Variants in ZZZ3 observed in about 807,000 individuals in gnomAD.
ZZZ3 encodes the protein zinc finger ZZ-type containing 3, also known as ZZ-type zinc finger-containing protein 3.
Under a neutral mutation model 95.2 loss-of-function variants are expected in ZZZ3, and 22 were observed. That is an observed-to-expected ratio of 0.23 (90% CI 0.17 to 0.33). ZZZ3 has a LOEUF of 0.33. Among genes scored for constraint, ZZZ3 ranks in the 10% least tolerant of loss-of-function variants. ZZZ3 has a pLI of 1.00. For missense variants in ZZZ3, 885 were observed against 1,066.5 expected (o/e 0.83, Z 2.37); for synonymous variants, 335 against 358.9 (o/e 0.93, Z 0.75).
rs755388608 is a variant in ZZZ3, at chr1:77,581,086, G to T, written c.1909-17C>A. On this transcript the variant is annotated splice_polypyrimidine_tract_variant and intron_variant, in intron 8 of 14. Transcript: ENST00000370801. ...TCTTATCATCTGCACATAAGACAAG[G>T]CTTTTGTCAGAGAGAAAATAACAAC... is the stretch of plus-strand genomic sequence containing the variant. 1.9e-6 allele frequency: 3 copies of T among 1,608,192 alleles called. No individual in the cohort carries two copies. Among genetic ancestry groups the T allele is most frequent in the African/African-American group, 2.7e-5 (2 of 74,872 alleles).
intron 1 of ZZZ3, among the ~76,000 whole-genome samples, chr1:77,647,379 C>A (rs986933795): frequency 6.6e-6 from 1 of 152,056 alleles, no homozygotes; most frequent in African/African-American, 2.4e-5. Flanking sequence ...ATTAGCAGGG[C>A]ATGGTGGTGC....
chr1:77,653,579 T>C (rs1024282293), intron 1 of ZZZ3, among the ~76,000 whole-genome samples: 5 of 151,400 alleles, frequency 3.3e-5, no homozygotes, highest in Admixed American at 3.3e-4. Context: ...CATGGAGAAA[T>C]CCTGTATCTA....
chr1:77,674,769 TG>T (rs1672105137), intron 1 of ZZZ3, among the ~76,000 whole-genome samples: 1 of 151,860 alleles, frequency 6.6e-6, no homozygotes. Context: ...CTCCCCAACA[TG>T]GCAAAACCCC....
intron 12 of ZZZ3, among the ~76,000 whole-genome samples, chr1:77,571,365 T>C (rs1382395505): frequency 1.3e-5 from 2 of 152,152 alleles, no homozygotes; most frequent in African/African-American, 4.8e-5. Flanking sequence ...AGAATGTAAA[T>C]GGTACAGCTC....
At chr1:77,670,048 C>T (rs1172445826) in intron 1 of ZZZ3, among the ~76,000 whole-genome samples, 1 of 147,438 alleles carries the variant, frequency 6.8e-6, no homozygotes. Flanking sequence ...CCCCAAAAAA[C>T]CTATTAATAT....
intron 5 of ZZZ3, among the ~76,000 whole-genome samples, chr1:77,594,589 CTAGACTATATT>C (rs1213150130): frequency 1.3e-5 from 2 of 151,958 alleles, no homozygotes; most frequent in African/African-American, 4.8e-5. Context: ...AGATATAGTT[CTAGACTATATT>C]TAGAGCACTG....
intron 5 of ZZZ3, among the ~76,000 whole-genome samples, chr1:77,626,596 G>A (rs774459852): frequency 1.8e-4 from 28 of 152,144 alleles, no homozygotes; most frequent in Non-Finnish European, 3.7e-4. Flanking sequence ...TTCACCTCCT[G>A]GTGTGCAGCC....
At chr1:77,639,655 C>T (rs1668592800) in intron 3 of ZZZ3, 53 bp from the exon 4 acceptor site, 1 of 403,600 alleles carries the variant, frequency 2.5e-6, no homozygotes, top group Non-Finnish European at 4.3e-6. Context: ...TGAACTTATG[C>T]TAATAGATTT....
At chr1:77,653,292 G>A (rs1329290375) in intron 1 of ZZZ3, among the ~76,000 whole-genome samples, 1 of 152,222 alleles carries the variant, frequency 6.6e-6, no homozygotes, top group Non-Finnish European at 1.5e-5. Context: ...GGAAATGGTA[G>A]AAAGTGAGTG....
chr1:77,576,204 C>T lies in ZZZ3; in HGVS notation c.2195G>A (p.Arg732Gln). 6.3e-7 allele frequency: 1 copy of T among 1,599,178 alleles called. No individual in the cohort carries two copies. The highest frequency in any genetic ancestry group is 8.5e-7 in the Non-Finnish European group (1 of 1,175,924). ...IYSKKSSTSR[R>Q]QHPLNKHLFK... ...GAGATGCTTATTAAGAGGGTGCTGT[C>T]GTCTGCTTGTTGAAGACTAAGTAAG... Residue 732 changes from arginine to glutamine, a missense_variant, in exon 12 of 15, where the codon CGA becomes CAA. By Grantham distance (43) the Arg-to-Gln change is conservative (BLOSUM62 1). Transcript: ENST00000370801.
chr1:77,587,485 C>T (rs1663213423), intron 5 of ZZZ3, among the ~76,000 whole-genome samples: 2 of 151,966 alleles, frequency 1.3e-5, no homozygotes, highest in South Asian at 4.1e-4. Context: ...AGGATGTTCT[C>T]GATCTCATGA....
intron 8 of ZZZ3, 92 bp downstream of exon 8, chr1:77,581,684 C>T (rs1662545373): frequency 1.0e-6 from 1 of 999,190 alleles, no homozygotes; most frequent in Non-Finnish European, 1.5e-6. Context: ...CAGTGAAAGA[C>T]TGCTTTAATT....
intron 5 of ZZZ3, among the ~76,000 whole-genome samples, chr1:77,589,227 A>G (rs907895937): frequency 1.3e-5 from 2 of 152,138 alleles, no homozygotes; most frequent in African/African-American, 4.8e-5. Flanking sequence ...TTAGCTTTAT[A>G]TATTTGGCCA....
rs1177338502 is a variant in ZZZ3, at chr1:77,632,852, A to G, written c.503T>C (p.Ile168Thr). The G allele has an allele frequency of 6.2e-6, 10 of 1,614,068 alleles. No homozygotes were observed. The highest frequency in any genetic ancestry group is 2.2e-5 in the South Asian group (2 of 91,084). ...TTCCCTTTTCTCACAATCATCCAGT[A>G]TAAGACATCGACAAGCTCGTTTAGT... Reference protein sequence around the residue: ...QGTKRACRCLILDDCEKREIK... With the variant: ...QGTKRACRCLTLDDCEKREIK... The change falls in exon 5 of 15, where the codon ATA (isoleucine) becomes ACA (threonine). Residue 168 changes from isoleucine (I) to threonine (T), a missense_variant. Physicochemically the swap from Ile to Thr is moderately conservative, Grantham distance 89. Coordinates refer to ENST00000370801, the MANE Select transcript of ZZZ3 (RefSeq NM_015534.6).
chr1:77,670,796 C>A (rs759594536), intron 1 of ZZZ3, among the ~76,000 whole-genome samples: 5 of 150,822 alleles, frequency 3.3e-5, no homozygotes, highest in Admixed American at 6.6e-5. Flanking sequence ...CCAGGGAAGG[C>A]TATGAAGGAA....
intron 4 of ZZZ3, among the ~76,000 whole-genome samples, 184 bp from the exon 5 acceptor site, chr1:77,633,589 T>G (rs1668025699): frequency 1.3e-5 from 2 of 152,184 alleles, no homozygotes; most frequent in South Asian, 4.1e-4. Context: ...TGATATAAAT[T>G]ATAGCTAACA....
intron 5 of ZZZ3, among the ~76,000 whole-genome samples, chr1:77,627,550 A>G (rs1237970633): frequency 6.6e-6 from 1 of 152,222 alleles, no homozygotes; most frequent in Non-Finnish European, 1.5e-5. Flanking sequence ...TGTTTAATCA[A>G]CTATGAAATA....
intron 1 of ZZZ3, among the ~76,000 whole-genome samples, chr1:77,656,931 A>G (rs1670318611): frequency 6.6e-6 from 1 of 152,198 alleles, no homozygotes; most frequent in Admixed American, 6.5e-5. Flanking sequence ...GCCTAACAAC[A>G]CATATCCTTG....
rs1371935753 is a variant in ZZZ3, at chr1:77,578,845, A to G, written c.2107T>C (p.Phe703Leu). ...ATGCCAGCTTTAGTTAGCTTTATGA[A>G]ATACTTCTGTACTCGGCTGGCAACC... is the stretch of plus-strand genomic sequence containing the variant. Reference protein sequence around the residue: ...KQVASRVQKYFIKLTKAGIPV... With the variant: ...KQVASRVQKYLIKLTKAGIPV... Residue 703 changes from phenylalanine to leucine, a missense_variant, in exon 11 of 15, where the codon TTC becomes CTC. Phe to Leu is a conservative substitution (Grantham distance 22, BLOSUM62 0). This residue lies in a region of ZZZ3 where 221 missense variants were observed against 247.8 expected (regional missense o/e 0.89). Coordinates refer to ENST00000370801, the MANE Select transcript of ZZZ3 (RefSeq NM_015534.6). 1.7e-5 allele frequency: 27 copies of G among 1,576,952 alleles called. No individual in the cohort carries two copies. The highest frequency in any genetic ancestry group is 2.3e-5 in the Non-Finnish European group (27 of 1,164,298).
Sources: gnomAD v4.1 joint callset for allele counts (sites outside exome capture counted in the v4.1 genomes callset) on GRCh38, gnomAD v4.1.1 for gene constraint, gnomAD v4.1.1 regional missense constraint, MANE v1.5 for transcripts, NCBI Gene and HGNC (gene_info 2026-07-23, HGNC 2026-07-21) for gene names.